The following LRRK1 variants were observed in gnomAD, a reference collection of about 807,000 sequenced individuals.
The protein encoded by LRRK1 is leucine rich repeat kinase 1, also known as leucine-rich repeat serine/threonine-protein kinase 1.
LRRK1 carries 113 observed loss-of-function variants against 209.1 expected under a neutral mutation model. That is an observed-to-expected ratio of 0.54 (90% CI 0.46 to 0.63). LRRK1 has a LOEUF of 0.63. Ranked by LOEUF, LRRK1 falls within the 30% of genes least tolerant of loss-of-function variation. The probability of loss-of-function intolerance (pLI) is 0.00; values close to 1 mark genes in which losing one functional copy is unlikely to be tolerated. For synonymous variants in LRRK1, 1,144 were observed against 1,099.7 expected (o/e 1.04, Z -0.80); for missense variants, 2,284 against 2,632.2 (o/e 0.87, Z 2.89).
Position 100,941,230 on chromosome 15 carries a change from GTGTC to G in LRRK1, c.97+16505_97+16508del, listed in dbSNP as rs747632385. Among the ~76,000 whole-genome samples the G allele has an allele frequency of 1.3e-4, 19 of 151,124 alleles. No homozygotes were observed. The East Asian group carries it at 1.6e-3, about 12-fold the overall frequency. The stretch of plus-strand genomic sequence containing the variant: ...TGTGTGTCTGTATGTGTCTGTGTGT[GTGTC>G]TGTGTGTGTCTGTCTGTGTGTGTGT... On this transcript the variant is annotated intron_variant, in intron 2 of 33. Coordinates refer to ENST00000388948, the MANE Select transcript of LRRK1 (RefSeq NM_024652.6).
In LRRK1 at chr15:101,068,704, C is replaced by A; in HGVS notation, c.5904C>A (p.Asp1968Glu). The A allele has an allele frequency of 6.2e-7, 1 of 1,611,072 alleles. No individual in the cohort carries two copies. Among genetic ancestry groups the A allele is most frequent in the Admixed American group, 1.7e-5 (1 of 59,724 alleles). ...VLVDAAVVAK[D>E]TVVCTFENEN... is the part of the protein sequence containing the mutation. The stretch of plus-strand genomic sequence containing the variant: ...TGGATGCTGCCGTGGTGGCAAAGGA[C>A]ACTGTTGTGTGCACCTTTGAAAATG... The change falls in exon 34 of 34, where the codon GAC becomes GAA. Residue 1968 changes from aspartate (D) to glutamate (E), a missense_variant. Physicochemically the swap from Asp to Glu is conservative, Grantham distance 45. Around this residue, in one of 6 missense-constraint regions of LRRK1, gnomAD observed 643 missense variants for 695.9 expected, o/e 0.92. Coordinates refer to ENST00000388948, the MANE Select transcript of LRRK1 (RefSeq NM_024652.6).
intron 2 of LRRK1, among the ~76,000 whole-genome samples, chr15:100,965,502 A>C (rs1440531483): frequency 6.6e-6 from 1 of 152,168 alleles, no homozygotes; most frequent in Non-Finnish European, 1.5e-5. Context: ...GAAGACTAAC[A>C]CTTATCAACA....
In LRRK1 at chr15:101,057,008, G is replaced by A. The variant is rs762831955; in HGVS notation, c.4485G>A (p.Leu1495=). ...GQPEEVQFRR[L]QALMMECWDT... ...CGGAGGAAGTGCAGTTCCGGCGACT[G>A]CAGGCGCTCATGATGGAGTGCTGGG... The change falls in exon 28 of 34, where the codon CTG becomes CTA. Residue 1495 remains leucine (L), a synonymous_variant. Coordinates refer to ENST00000388948, the MANE Select transcript of LRRK1 (RefSeq NM_024652.6). 27 of 1,613,538 alleles carry A rather than the reference G, an allele frequency of 1.7e-5. No homozygotes were observed. The highest frequency in any genetic ancestry group is 1.9e-5 in the Non-Finnish European group (23 of 1,179,780).
At chr15:100,952,238 G>T (rs973408687) in intron 2 of LRRK1, among the ~76,000 whole-genome samples, 1 of 152,168 alleles carries the variant, frequency 6.6e-6, no homozygotes. Context: ...AAATTAGAAA[G>T]CGGTGATAGT....
intron 23 of LRRK1, among the ~76,000 whole-genome samples, chr15:101,050,291 C>T (rs74040262): frequency 0.023 from 3,526 of 152,270 alleles, 118 homozygotes; most frequent in African/African-American, 0.077. Flanking sequence ...CTTCTCAGAC[C>T]CTTTGGATCT....
At chr15:101,006,798 C>T (rs903166643) in intron 6 of LRRK1, among the ~76,000 whole-genome samples, 2 of 152,154 alleles carry the variant, frequency 1.3e-5, no homozygotes, top group Admixed American at 6.5e-5. Flanking sequence ...ATCAGTGAGT[C>T]GAGGTGGAGA....
chr15:101,050,797 T>G (rs2035382806), intron 23 of LRRK1: 1 of 152,470 alleles, frequency 6.6e-6, no homozygotes, highest in African/African-American at 2.4e-5. Context: ...GAAAAAAGGC[T>G]TAGAAAGGAG....
rs1012613810 is a variant in LRRK1, at chr15:100,961,941, C to A, written c.98-11863C>A. The stretch of plus-strand genomic sequence containing the variant: ...CCAATACATGAAACATTATTATAAA[C>A]CATTTTATTTTATCTTTCAAAATCT... On this transcript the variant is annotated intron_variant, in intron 2 of 33. Coordinates refer to ENST00000388948, the MANE Select transcript of LRRK1 (RefSeq NM_024652.6). Among the ~76,000 whole-genome samples the A allele has an allele frequency of 5.3e-5, 8 of 152,276 alleles. 1 individual carries two copies. The South Asian group carries it at 1.2e-3, about 24-fold the overall frequency.
intron 20 of LRRK1, chr15:101,043,585 T>C (rs896042100): frequency 1.3e-5 from 2 of 150,828 alleles, no homozygotes; most frequent in African/African-American, 2.4e-5. Context: ...AGTTTTTATA[T>C]GTATAAAACG....
intron 2 of LRRK1, among the ~76,000 whole-genome samples, chr15:100,933,821 CAAAAAAAAAAAAAA>C (rs67129854): frequency 1.9e-4 from 8 of 42,832 alleles, no homozygotes; most frequent in African/African-American, 6.5e-4. Flanking sequence ...GACTCCATCT[CAAAAAAAAAAAAAA>C]AAAAAAAAAA....
rs765670323 is a variant in LRRK1 at position 101,026,017 on chromosome 15, T to C, written c.2285T>C (p.Ile762Thr). ...GTGGTCGGGACGCACCTGGATTTAA[T>C]TGAAGCCAAGTTCCGTGTGGAAAGG... is the stretch of plus-strand genomic sequence containing the variant. ...VLVVGTHLDL[I>T]EAKFRVERIA... Residue 762 changes from isoleucine (I) to threonine (T), a missense_variant, in exon 17 of 34, where the codon ATT becomes ACT. This residue lies in a region of LRRK1 where 780 missense variants were observed against 985.2 expected (regional missense o/e 0.79). Transcript: ENST00000388948. The C allele has an allele frequency of 6.2e-7, 1 of 1,614,248 alleles. No homozygotes were observed. Among genetic ancestry groups the C allele is most frequent in the Non-Finnish European group, 8.5e-7 (1 of 1,180,042 alleles).
At chr15:101,023,178 C>T (rs1482312829) in intron 15 of LRRK1, among the ~76,000 whole-genome samples, 1 of 152,168 alleles carries the variant, frequency 6.6e-6, no homozygotes, top group South Asian at 2.1e-4. Flanking sequence ...CCGTCCCTGA[C>T]ACCTGCTTTC....
chr15:101,006,447 C>T (rs2032963400), intron 6 of LRRK1, among the ~76,000 whole-genome samples: 1 of 147,572 alleles, frequency 6.8e-6, no homozygotes. Context: ...AGTAAAGAAA[C>T]ATACAGTGTA....
intron 10 of LRRK1, among the ~76,000 whole-genome samples, chr15:101,013,201 AGGG>A (rs1489006058): frequency 2.0e-5 from 3 of 152,166 alleles, no homozygotes. Context: ...GGCACATGGC[AGGG>A]TCTCCATAGA....
intron 2 of LRRK1, among the ~76,000 whole-genome samples, chr15:100,958,079 C>T (rs1411131254): frequency 6.6e-6 from 1 of 152,212 alleles, no homozygotes; most frequent in Non-Finnish European, 1.5e-5. Context: ...TGGTCTCAAA[C>T]TCCTGACCGC....
At chr15:100,931,102 A>G (rs372905845) in intron 2 of LRRK1, among the ~76,000 whole-genome samples, 2 of 152,248 alleles carry the variant, frequency 1.3e-5, no homozygotes, top group East Asian at 1.9e-4. Context: ...GAACAGAAAC[A>G]CATATCTCAA....
Position 101,024,895 on chromosome 15 carries a change from C to T in LRRK1, c.2160C>T (p.Tyr720=), listed in dbSNP as rs370622775. ...NQCFFTDKAL[Y]VVVWNLALGE... is the part of the protein sequence containing the mutation. ...GCTTCTTCACGGACAAGGCCCTGTA[C>T]GTGGTGGTCTGGAACCTGGCGCTGG... Residue 720 remains tyrosine (Y), a synonymous_variant, in exon 16 of 34, where the codon TAC becomes TAT. Transcript: ENST00000388948. The surrounding 1 kb of genome is among the most constrained non-coding windows in gnomAD (Gnocchi z 4.6). 3.0e-5 allele frequency: 49 copies of T among 1,614,046 alleles called. No individual in the cohort carries two copies. The highest frequency in any genetic ancestry group is 3.7e-5 in the Non-Finnish European group (44 of 1,180,026).
chr15:101,052,567 G>A (rs1286813545), intron 24 of LRRK1, among the ~76,000 whole-genome samples: 1 of 152,222 alleles, frequency 6.6e-6, no homozygotes, highest in Non-Finnish European at 1.5e-5. Context: ...ATCATAACTA[G>A]AGAGAGAATC....
intron 20 of LRRK1, among the ~76,000 whole-genome samples, chr15:101,032,441 G>A (rs1480834275): frequency 1.0e-5 from 1 of 97,520 alleles, no homozygotes; most frequent in African/African-American, 4.2e-5. Flanking sequence ...CCCCCTACCC[G>A]ATACAAGTTC....
Sources: gnomAD v4.1 joint callset for allele counts (sites outside exome capture counted in the v4.1 genomes callset) on GRCh38, gnomAD v4.1.1 for gene constraint, gnomAD v4.1.1 regional missense constraint, Gnocchi (gnomAD v3.1) non-coding constraint, MANE v1.5 for transcripts, NCBI Gene and HGNC (gene_info 2026-07-23, HGNC 2026-07-21) for gene names.